The following LRRC74A variants were observed in gnomAD, a reference collection of about 807,000 sequenced individuals.
The protein encoded by LRRC74A is leucine-rich repeat-containing protein 74A.
LRRC74A carries 44 observed loss-of-function variants against 57.9 expected under a neutral mutation model. The ratio of observed to expected loss-of-function variants is 0.76; its 90% CI spans 0.60 to 0.98. The LOEUF (loss-of-function observed/expected upper bound fraction) is 0.98, where lower values mean the gene tolerates loss of function less well. LRRC74A is among the 50% of genes least tolerant of loss of function. The pLI is 0.00. For missense variants in LRRC74A, 572 were observed against 574.0 expected (o/e 1.00, Z 0.04); for synonymous variants, 211 against 219.4 (o/e 0.96, Z 0.34).
Position 76,867,456 on chromosome 14 carries a change from G to A in LRRC74A, c.1391+18G>A, listed in dbSNP as rs757349405. 4.9e-6 allele frequency: 7 copies of A among 1,441,012 alleles called. No individual in the cohort carries two copies. The African/African-American group carries it at 7.0e-5, about 14-fold the overall frequency. The allele number at this position is 1,441,012 out of a possible 1,614,324, so 89.3% of individuals were successfully genotyped here. A position where few individuals can be genotyped will look rare whatever the true frequency, so the allele number is the denominator to read the frequency against. ...AACTTCAGGTCAGCCCAGGCCCCGC[G>A]ACGATCCCCGTTCTCTGCAAGGGGC... On this transcript the variant is annotated intron_variant, in intron 13 of 13. Coordinates refer to ENST00000689127, the MANE Select transcript of LRRC74A (RefSeq NM_001385106.1).
chr14:76,838,057 A>G, intron 5 of LRRC74A, 86 bp downstream of exon 5: 6 of 888,438 alleles, frequency 6.8e-6, no homozygotes, highest in Non-Finnish European at 7.0e-6. Flanking sequence ...GTCTCATTGA[A>G]CCAGACCATG....
Position 76,853,342 on chromosome 14 carries a change from A to G in LRRC74A, c.889A>G (p.Ile297Val), listed in dbSNP as rs1897644433. 1 of 1,613,454 alleles carries G rather than the reference A, an allele frequency of 6.2e-7. No homozygotes were observed. The highest frequency in any genetic ancestry group is 8.5e-7 in the Non-Finnish European group (1 of 1,179,742). ...LVYLDIGGND[I>V]GNEGASKISK... ...CTACCTGGATATCGGTGGCAATGAC[A>G]TCGGCAATGAAGGGGCCTCCAAAAT... The change falls in exon 9 of 14, where the codon ATC becomes GTC. Residue 297 changes from isoleucine (I) to valine (V), a missense_variant. Transcript: ENST00000689127.
chr14:76,854,512 C>G (rs914758885), intron 9 of LRRC74A, among the ~76,000 whole-genome samples: 1 of 152,154 alleles, frequency 6.6e-6, no homozygotes, highest in African/African-American at 2.4e-5. Context: ...GAGGCTGAGG[C>G]AGGAGAATCA....
At chr14:76,853,017 G>A (rs560407381) in intron 8 of LRRC74A, among the ~76,000 whole-genome samples, 199 bp from the exon 9 acceptor site, 1 of 152,276 alleles carries the variant, frequency 6.6e-6, no homozygotes, top group East Asian at 1.9e-4. Context: ...GGAATGACCA[G>A]AAGCCAAAGG....
chr14:76,829,115 AAG>A (rs1374588912), intron 2 of LRRC74A: 2 of 1,289,366 alleles, frequency 1.6e-6, no homozygotes, highest in South Asian at 1.2e-5. Context: ...GAAGCACCGA[AAG>A]AGAACACTTG....
chr14:76,869,755 CCAT>C (rs1261809810), intron 13 of LRRC74A, among the ~76,000 whole-genome samples: 1 of 146,582 alleles, frequency 6.8e-6, no homozygotes, highest in Non-Finnish European at 1.5e-5. Context: ...GAGTAAGACT[CCAT>C]CTAAAAAAAA....
chr14:76,866,360 T>G (rs1898795374), intron 12 of LRRC74A, among the ~76,000 whole-genome samples: 1 of 152,132 alleles, frequency 6.6e-6, no homozygotes, highest in Non-Finnish European at 1.5e-5. Context: ...TTCTCCCCAT[T>G]GCATTTCACT....
At chr14:76,865,934 A>G (rs1403657728) in intron 11 of LRRC74A, 34 bp from the exon 12 acceptor site, 8 of 1,449,468 alleles carry the variant, frequency 5.5e-6, no homozygotes, top group South Asian at 4.8e-5. Flanking sequence ...TACAAGACCA[A>G]GTGTTTGCTC....
At chr14:76,828,124 TGGGGAA>T (rs898685063) in intron 1 of LRRC74A, among the ~76,000 whole-genome samples, 161 bp from the exon 2 acceptor site, 1 of 152,082 alleles carries the variant, frequency 6.6e-6, no homozygotes, top group African/African-American at 2.4e-5. Context: ...GCAGCGCTAT[TGGGGAA>T]GGGAGGTTTG....
chr14:76,848,885 AG>A (rs1364282030), intron 7 of LRRC74A, among the ~76,000 whole-genome samples: 1 of 152,132 alleles, frequency 6.6e-6, no homozygotes, highest in African/African-American at 2.4e-5. Flanking sequence ...GGACGAGGAA[AG>A]GGTGGGTGCG....
chr14:76,831,086 C>A, intron 2 of LRRC74A, 117 bp from the exon 3 acceptor site: 1 of 1,058,544 alleles, frequency 9.4e-7, no homozygotes, highest in Non-Finnish European at 1.4e-6. Flanking sequence ...CACATACCCA[C>A]AGGGAGAGAT....
chr14:76,833,159 C>G (rs989376894), intron 3 of LRRC74A, among the ~76,000 whole-genome samples: 1 of 152,162 alleles, frequency 6.6e-6, no homozygotes, highest in Admixed American at 6.6e-5. Flanking sequence ...GACAGCCAAA[C>G]ACAAGCTGCA....
At position 76,828,272 on chromosome 14, in the gene LRRC74A, G is replaced by A. The variant is rs373979790; in HGVS notation, c.38-19G>A. On this transcript the variant is annotated intron_variant, in intron 1 of 13. Transcript: ENST00000689127. ...CAAGTTTTATTCCTGGCATCAAGGA[G>A]ATGAGTTTTTTCTTCCAGATGAGAT... The A allele has an allele frequency of 4.4e-5, 70 of 1,574,800 alleles. 3 individuals carry two copies. In the African/African-American group the frequency reaches 7.9e-4, roughly 18 times the overall value.
At chr14:76,840,584 CTTT>C (rs34388699) in intron 5 of LRRC74A, among the ~76,000 whole-genome samples, 2 of 130,066 alleles carry the variant, frequency 1.5e-5, no homozygotes, top group South Asian at 2.4e-4. Flanking sequence ...TTATGTATTT[CTTT>C]TTTTTTTTTT....
intron 4 of LRRC74A, among the ~76,000 whole-genome samples, chr14:76,836,791 CAAAAAA>C (rs11339843): frequency 2.2e-5 from 2 of 92,914 alleles, no homozygotes; most frequent in Non-Finnish European, 4.1e-5. Flanking sequence ...GACTCCATCT[CAAAAAA>C]AAAAAAAAAA....
At chr14:76,840,461 G>A (rs1410704235) in intron 5 of LRRC74A, among the ~76,000 whole-genome samples, 1 of 151,808 alleles carries the variant, frequency 6.6e-6, no homozygotes, top group Non-Finnish European at 1.5e-5. Context: ...CATCATCAAT[G>A]TAATAATTGA....
chr14:76,826,729 C>G lies in LRRC74A; in HGVS notation c.32C>G (p.Thr11Arg). MDNDKPLQPE[T>R]EDEIEIEPVR... is the part of the protein sequence containing the mutation. Reference sequence around the variant, plus strand: ...AATGACAAGCCTCTTCAGCCTGAGACAGAAGGTGAAAGGGCATCCCATCTC... The same window carrying G: ...AATGACAAGCCTCTTCAGCCTGAGAGAGAAGGTGAAAGGGCATCCCATCTC... The change falls in exon 1 of 14, where the codon ACA (threonine) becomes AGA (arginine). Residue 11 changes from threonine to arginine, a missense_variant. Coordinates refer to ENST00000689127, the MANE Select transcript of LRRC74A (RefSeq NM_001385106.1). 6.6e-7 allele frequency: 1 copy of G among 1,517,944 alleles called. No homozygotes were observed. Among genetic ancestry groups the G allele is most frequent in the Non-Finnish European group, 8.8e-7 (1 of 1,133,972 alleles). The allele number at this position is 1,517,944 out of a possible 1,614,324, so 94.0% of individuals were successfully genotyped here. A position where few individuals can be genotyped will look rare whatever the true frequency, so the allele number is the denominator to read the frequency against.
intron 7 of LRRC74A, among the ~76,000 whole-genome samples, chr14:76,848,905 A>G (rs1244200642): frequency 6.6e-6 from 1 of 152,192 alleles, no homozygotes; most frequent in African/African-American, 2.4e-5. Context: ...CGGGTGCAGT[A>G]AGTGGGTAGA....
At chr14:76,830,806 C>T (rs1367097509) in intron 2 of LRRC74A, among the ~76,000 whole-genome samples, 1 of 152,214 alleles carries the variant, frequency 6.6e-6, no homozygotes, top group Non-Finnish European at 1.5e-5. Context: ...TTCCATCAAC[C>T]ATCAAAAGTC....
Sources: allele counts gnomAD v4.1 joint callset (sites outside exome capture counted in the v4.1 genomes callset), GRCh38; gene constraint gnomAD v4.1.1; transcripts MANE v1.5; gene names NCBI Gene and HGNC (gene_info 2026-07-23, HGNC 2026-07-21).